Variants in RNF214 observed in about 807,000 individuals in gnomAD.
The protein encoded by RNF214 is ring finger protein 214.
In RNF214, 25 loss-of-function variants were observed where a neutral mutation model predicts 75.9. The ratio of observed to expected loss-of-function variants is 0.33; its 90% confidence interval spans 0.24 to 0.46. RNF214 has a LOEUF of 0.46. Among genes scored for constraint, RNF214 ranks in the 20% least tolerant of loss-of-function variants. The pLI, the probability that RNF214 is intolerant of heterozygous loss-of-function variation, is 1.00. For missense variants in RNF214, 725 were observed against 857.5 expected (o/e 0.85, Z 1.93); for synonymous variants, 314 against 308.8 (o/e 1.02, Z -0.18).
At chr11:117,281,720 G>T (rs977455955) in intron 10 of RNF214, 22 bp downstream of exon 10, 5 of 1,579,566 alleles carry the variant, frequency 3.2e-6, no homozygotes, top group Non-Finnish European at 4.4e-6. Flanking sequence ...GCTTTGGGGG[G>T]AAGTTCACCT....
At chr11:117,269,677 A>G (rs1360913041) in intron 6 of RNF214, among the ~76,000 whole-genome samples, 1 of 152,172 alleles carries the variant, frequency 6.6e-6, no homozygotes, top group Admixed American at 6.5e-5. Flanking sequence ...TGGCCTAACA[A>G]AGGTTGTCTT....
chr11:117,285,337 C>G lies in RNF214; in HGVS notation c.*186C>G, dbSNP rs910101318. 2.1e-6 allele frequency: 1 copy of G among 479,046 alleles called. No individual in the cohort carries two copies. Among genetic ancestry groups the G allele is most frequent in the African/African-American group, 2.0e-5 (1 of 50,008 alleles). The allele number at this position is 479,046 out of a possible 1,614,324, so 29.7% of individuals were successfully genotyped here. On this transcript the variant is annotated 3_prime_UTR_variant, in exon 15 of 15. Transcript: ENST00000300650. Reference sequence around the variant, plus strand: ...CGTAAATGAAACTATGTATATTATGCAGAAACAGTCTGTTCCCCCTCATCT... The same window carrying G: ...CGTAAATGAAACTATGTATATTATGGAGAAACAGTCTGTTCCCCCTCATCT...
At chr11:117,253,180 G>C (rs1363136594) in intron 6 of RNF214, among the ~76,000 whole-genome samples, 1 of 152,066 alleles carries the variant, frequency 6.6e-6, no homozygotes, top group African/African-American at 2.4e-5. Flanking sequence ...GCCCATCTAA[G>C]TTTTTCTGTT....
chr11:117,261,444 G>T (rs1040669469), intron 6 of RNF214, among the ~76,000 whole-genome samples: 2 of 152,068 alleles, frequency 1.3e-5, no homozygotes, highest in Admixed American at 1.3e-4. Flanking sequence ...GCCAGGCATG[G>T]TGGCAGGCGC....
chr11:117,267,297 A>G (rs753914280), intron 6 of RNF214, among the ~76,000 whole-genome samples: 1 of 152,202 alleles, frequency 6.6e-6, no homozygotes, highest in Non-Finnish European at 1.5e-5. Flanking sequence ...TTGTGGCCCA[A>G]GAAATCTTTG....
chr11:117,243,624 A>C (rs551310289), intron 4 of RNF214, among the ~76,000 whole-genome samples: 2 of 152,344 alleles, frequency 1.3e-5, no homozygotes, highest in Admixed American at 6.5e-5. Flanking sequence ...TTCAAATTTT[A>C]GTGTCCCTTT....
intron 8 of RNF214, among the ~76,000 whole-genome samples, chr11:117,280,578 A>G (rs1416650093): frequency 2.6e-5 from 4 of 152,188 alleles, no homozygotes; most frequent in African/African-American, 7.2e-5. Flanking sequence ...AGGTCGAGGC[A>G]GGAGGATCAC....
rs766737717 is a variant in RNF214, at chr11:117,279,930, G to A, written c.982G>A (p.Asp328Asn). Residue 328 changes from aspartate to asparagine, a missense_variant, in exon 7 of 15, where the codon GAT becomes AAT. This residue lies in a region of RNF214 where 363 missense variants were observed against 513.0 expected (regional missense o/e 0.71). Transcript: ENST00000300650. Reference sequence around the variant, plus strand: ...CAGAGAGGTGTGGGAAATGGAACTGGATAGACTCAAGAATCAGGATGGCGA... The same window carrying A: ...CAGAGAGGTGTGGGAAATGGAACTGAATAGACTCAAGAATCAGGATGGCGA... Reference protein sequence around the residue: ...GRREVWEMELDRLKNQDGEIN... With the variant: ...GRREVWEMELNRLKNQDGEIN... 5 of 1,612,890 alleles carry A rather than the reference G, an allele frequency of 3.1e-6. No individual in the cohort carries two copies. Among genetic ancestry groups the A allele is most frequent in the Admixed American group, 1.7e-5 (1 of 59,928 alleles).
chr11:117,251,252 GCTGA>G (rs2033376152), intron 6 of RNF214, among the ~76,000 whole-genome samples: 1 of 21,650 alleles, frequency 4.6e-5, no homozygotes, highest in Non-Finnish European at 1.2e-4. Context: ...GGCTGACCCC[GCTGA>G]CCCCCCCACC....
At chr11:117,253,485 G>T (rs1468543119) in intron 6 of RNF214, among the ~76,000 whole-genome samples, 1 of 152,098 alleles carries the variant, frequency 6.6e-6, no homozygotes, top group Non-Finnish European at 1.5e-5. Context: ...CATTAGAAAG[G>T]TGAGGTTTCC....
At chr11:117,234,456 C>CTT in intron 2 of RNF214, 77 bp downstream of exon 2, 1 of 1,015,370 alleles carries the variant, frequency 9.8e-7, no homozygotes, top group South Asian at 1.3e-5. Flanking sequence ...GCTGGTCTTT[C>CTT]TTTTTGGCTC....
At chr11:117,271,522 C>G (rs1254236347) in intron 6 of RNF214, among the ~76,000 whole-genome samples, 1 of 152,172 alleles carries the variant, frequency 6.6e-6, no homozygotes, top group Non-Finnish European at 1.5e-5. Context: ...TATGTTTTGT[C>G]CAGTTGTTTA....
chr11:117,248,277 C>T (rs762397022), intron 6 of RNF214, among the ~76,000 whole-genome samples: 8 of 152,022 alleles, frequency 5.3e-5, no homozygotes, highest in Admixed American at 6.6e-5. Flanking sequence ...GGGGTTTCAC[C>T]GTGTTAGCCA....
rs2034139284 is a variant in RNF214 at position 117,282,097 on chromosome 11, C to T, written c.1539C>T (p.Gly513=). The T allele has an allele frequency of 1.2e-6, 2 of 1,614,074 alleles. No individual in the cohort carries two copies. The highest frequency in any genetic ancestry group is 4.5e-5 in the East Asian group (2 of 44,878). Residue 513 remains glycine (G), a synonymous_variant, in exon 11 of 15, where the codon GGC becomes GGT. Transcript: ENST00000300650. Reference sequence around the variant, plus strand: ...GCTCCCATGGCAGAAATAGCCCTGGCTTGGGTTCCCTTGTCAGCCCCCACG... The same window carrying T: ...GCTCCCATGGCAGAAATAGCCCTGGTTTGGGTTCCCTTGTCAGCCCCCACG... ...LPGSHGRNSP[G]LGSLVSPHGP...
chr11:117,245,802 T>C (rs934236219), intron 5 of RNF214, among the ~76,000 whole-genome samples: 5 of 151,938 alleles, frequency 3.3e-5, no homozygotes, highest in African/African-American at 7.3e-5. Flanking sequence ...CATTTAAAAA[T>C]AACAACAACA....
chr11:117,253,946 C>G (rs757102345), intron 6 of RNF214, among the ~76,000 whole-genome samples: 1 of 152,064 alleles, frequency 6.6e-6, no homozygotes, highest in South Asian at 2.1e-4. Context: ...AAGCATCACT[C>G]TGGGTGTAAT....
chr11:117,270,636 CAG>C (rs1333551267), intron 6 of RNF214, among the ~76,000 whole-genome samples: 4 of 151,754 alleles, frequency 2.6e-5, no homozygotes, highest in African/African-American at 7.3e-5. Flanking sequence ...TTAGTACAGA[CAG>C]GGTTTTGCCA....
intron 6 of RNF214, among the ~76,000 whole-genome samples, chr11:117,267,056 G>A (rs1259581111): frequency 6.6e-6 from 1 of 151,268 alleles, no homozygotes; most frequent in African/African-American, 2.4e-5. Flanking sequence ...TGCCCAGGCT[G>A]ATCTCAAACT....
intron 13 of RNF214, 106 bp downstream of exon 13, chr11:117,282,956 C>T: frequency 9.8e-7 from 1 of 1,025,094 alleles, no homozygotes; most frequent in Non-Finnish European, 1.5e-6. Context: ...GGGTTATTTG[C>T]AGCCCTACTG....
Sources: allele counts gnomAD v4.1 joint callset (sites outside exome capture counted in the v4.1 genomes callset), GRCh38; gene constraint gnomAD v4.1.1; regional missense constraint gnomAD v4.1.1; transcripts MANE v1.5; gene names NCBI Gene and HGNC (gene_info 2026-07-23, HGNC 2026-07-21).